EHBP1: variants seen among roughly 807,000 people sequenced by gnomAD.
EHBP1 encodes EH domain-binding protein 1.
EHBP1 carries 55 observed loss-of-function variants against 144.0 expected under a neutral mutation model. The observed-to-expected ratio is 0.38, with a 90% CI of 0.31 to 0.48. The LOEUF (loss-of-function observed/expected upper bound fraction) is 0.48, where lower values mean the gene tolerates loss of function less well. Among genes scored for constraint, EHBP1 ranks in the 20% least tolerant of loss-of-function variants. The pLI, the probability that EHBP1 is intolerant of heterozygous loss-of-function variation, is 0.98. For missense variants in EHBP1, 1,200 were observed against 1,364.2 expected (o/e 0.88, Z 1.90); for synonymous variants, 469 against 472.7 (o/e 0.99, Z 0.10).
chr2:62,750,731 T>G (rs1172277249), intron 3 of EHBP1, among the ~76,000 whole-genome samples: 6 of 152,158 alleles, frequency 3.9e-5, no homozygotes, highest in Non-Finnish European at 7.4e-5. Context: ...AGGTGTTTTA[T>G]TCTCTTTGAA....
intron 5 of EHBP1, among the ~76,000 whole-genome samples, chr2:62,814,552 G>C (rs1173456509): frequency 1.3e-5 from 2 of 152,198 alleles, no homozygotes; most frequent in Non-Finnish European, 2.9e-5. Context: ...CCCTGATTCA[G>C]TAGTACTCAG....
At chr2:62,853,307 C>T (rs762723210) in intron 7 of EHBP1, among the ~76,000 whole-genome samples, 55 of 152,172 alleles carry the variant, frequency 3.6e-4, no homozygotes, top group Admixed American at 5.9e-4. Context: ...CATTATGTCA[C>T]GGCATCTTCA....
At chr2:62,693,760 C>T (rs768560085) in intron 1 of EHBP1, among the ~76,000 whole-genome samples, 1 of 152,166 alleles carries the variant, frequency 6.6e-6, no homozygotes, top group Non-Finnish European at 1.5e-5. Flanking sequence ...TAACCAACCT[C>T]TCTTCTCCCC....
At chr2:62,743,767 T>C (rs774517834) in intron 2 of EHBP1, among the ~76,000 whole-genome samples, 21 of 152,254 alleles carry the variant, frequency 1.4e-4, no homozygotes, top group Non-Finnish European at 2.5e-4. Flanking sequence ...GAGGAGGGCA[T>C]GCCTTAGTTG....
rs1419667732 is a variant in EHBP1, at chr2:62,705,800, C to T, written c.-548C>T. On this transcript the variant is annotated 5_prime_UTR_variant, in exon 1 of 23. Coordinates refer to ENST00000431489, the MANE Select transcript of EHBP1 (RefSeq NM_001142616.3). Reference sequence around the variant, plus strand: ...GGGTGCTGGGCGCTGAGCGGTGGCTCTGGCAGGGCTTGGTAGGGTGGGGGA... The same window carrying T: ...GGGTGCTGGGCGCTGAGCGGTGGCTTTGGCAGGGCTTGGTAGGGTGGGGGA... The T allele has an allele frequency of 2.3e-5, 2 of 85,648 alleles. No individual in the cohort carries two copies. Among genetic ancestry groups the T allele is most frequent in the Non-Finnish European group, 4.4e-5 (2 of 45,280 alleles). 5.3% of individuals were successfully genotyped at this position (85,648 alleles called of 1,614,324 possible). A position where few individuals can be genotyped will look rare whatever the true frequency, so the allele number is the denominator to read the frequency against.
In EHBP1 at chr2:62,803,703, A is replaced by G. The variant is rs573603630; in HGVS notation, c.313-22384A>G. Among the ~76,000 whole-genome samples, 211 of 152,338 alleles carry G rather than the reference A, an allele frequency of 1.4e-3. 2 individuals carry two copies. Among genetic ancestry groups the G allele is most frequent in the African/African-American group, 4.8e-3 (199 of 41,578 alleles). Reference sequence around the variant, plus strand: ...ATGTGTTCTATACATTGCTTGTTATATATCTTGCAGATATTTTCACCCTGT... The same window carrying G: ...ATGTGTTCTATACATTGCTTGTTATGTATCTTGCAGATATTTTCACCCTGT... On this transcript the variant is annotated intron_variant, in intron 5 of 22. Coordinates refer to ENST00000431489, the MANE Select transcript of EHBP1 (RefSeq NM_001142616.3).
Position 62,768,756 on chromosome 2 carries a change from G to A in EHBP1, c.259-2583G>A, listed in dbSNP as rs186794483. ...ATATCCTTGATGAACATCGATGCAAGAATCCTCAGTAAAATACTGGCAAAC... is the reference window on the plus strand; with the variant it reads ...ATATCCTTGATGAACATCGATGCAAAAATCCTCAGTAAAATACTGGCAAAC... On this transcript the variant is annotated intron_variant, in intron 4 of 22. Transcript: ENST00000431489. 8.6e-4 allele frequency among the ~76,000 whole-genome samples: 131 copies of A among 152,194 alleles called. 2 individuals carry two copies. Among genetic ancestry groups the A allele is most frequent in the African/African-American group, 2.9e-3 (120 of 41,526 alleles).
At chr2:62,959,872 T>C (rs1174047941) in intron 14 of EHBP1, among the ~76,000 whole-genome samples, 1 of 152,182 alleles carries the variant, frequency 6.6e-6, no homozygotes, top group Non-Finnish European at 1.5e-5. Flanking sequence ...GTCCTTCTGA[T>C]GAATACCAAA....
intron 10 of EHBP1, among the ~76,000 whole-genome samples, chr2:62,928,236 T>C (rs1432338344): frequency 2.6e-5 from 4 of 152,304 alleles, no homozygotes; most frequent in Non-Finnish European, 5.9e-5. Flanking sequence ...GATAGTACTC[T>C]GTTTTCTTAC....
intron 1 of EHBP1, among the ~76,000 whole-genome samples, chr2:62,684,375 T>C (rs1174232708): frequency 2.6e-5 from 4 of 152,196 alleles, no homozygotes; most frequent in Non-Finnish European, 5.9e-5. Flanking sequence ...AGAACACTGC[T>C]TCTGCTCCAT....
intron 3 of EHBP1, among the ~76,000 whole-genome samples, chr2:62,749,583 CTAGTT>C (rs1261497586): frequency 6.6e-6 from 1 of 152,220 alleles, no homozygotes; most frequent in Non-Finnish European, 1.5e-5. Flanking sequence ...AATGGTTGAA[CTAGTT>C]TACAGTCCTA....
intron 7 of EHBP1, among the ~76,000 whole-genome samples, chr2:62,840,682 C>G (rs1276003503): frequency 6.6e-6 from 1 of 151,252 alleles, no homozygotes; most frequent in East Asian, 1.9e-4. Context: ...GGGCGAAGGA[C>G]ATGAACAGAC....
At chr2:62,919,981 A>G (rs2054937359) in intron 10 of EHBP1, among the ~76,000 whole-genome samples, 1 of 152,162 alleles carries the variant, frequency 6.6e-6, no homozygotes, top group Non-Finnish European at 1.5e-5. Flanking sequence ...AGCCTAAAGT[A>G]CCTGTGAGAC....
At chr2:62,753,932 G>A (rs904934093) in intron 3 of EHBP1, among the ~76,000 whole-genome samples, 4 of 152,150 alleles carry the variant, frequency 2.6e-5, no homozygotes, top group Admixed American at 1.3e-4. Context: ...TTTGCGATGG[G>A]TTCGAACTTC....
At chr2:62,888,495 A>AAACT (rs2052135409) in intron 10 of EHBP1, among the ~76,000 whole-genome samples, 1 of 152,262 alleles carries the variant, frequency 6.6e-6, no homozygotes, top group Admixed American at 6.5e-5. Flanking sequence ...ACTGAATTAA[A>AAACT]GTGCCTGTCA....
Position 62,864,843 on chromosome 2 carries a change from G to C in EHBP1, c.870G>C (p.Glu290Asp), listed in dbSNP as rs779896021. Reference protein sequence around the residue: ...QTPQYLNPFDEPEAFVTIKDS... With the variant: ...QTPQYLNPFDDPEAFVTIKDS... ...CACAGTATTTGAACCCATTCGATGA[G>C]CCAGAAGCATTTGTGACCATAAAGG... The change falls in exon 9 of 23, where the codon GAG (glutamate) becomes GAC (aspartate). Residue 290 changes from glutamate (E) to aspartate (D), a missense_variant. Physicochemically the swap from Glu to Asp is conservative, Grantham distance 45. Around this residue, in one of 6 missense-constraint regions of EHBP1, gnomAD observed 266 missense variants for 262.4 expected, o/e 1.01. Transcript: ENST00000431489. 1.2e-6 allele frequency: 2 copies of C among 1,613,898 alleles called. No individual in the cohort carries two copies. Among genetic ancestry groups the C allele is most frequent in the African/African-American group, 2.7e-5 (2 of 74,892 alleles).
intron 9 of EHBP1, among the ~76,000 whole-genome samples, chr2:62,865,566 T>C (rs1464768729): frequency 6.6e-6 from 1 of 152,178 alleles, no homozygotes; most frequent in Non-Finnish European, 1.5e-5. Context: ...GACCATGACA[T>C]TAAGTGTGTT....
intron 2 of EHBP1, among the ~76,000 whole-genome samples, chr2:62,736,534 T>G (rs2038157402): frequency 6.6e-6 from 1 of 152,172 alleles, no homozygotes; most frequent in Admixed American, 6.5e-5. Context: ...CCTCTTTGAT[T>G]TTTAATTTTG....
intron 19 of EHBP1, among the ~76,000 whole-genome samples, chr2:63,026,871 G>T (rs1450305646): frequency 6.6e-6 from 1 of 152,196 alleles, no homozygotes; most frequent in African/African-American, 2.4e-5. Context: ...GCATACACAT[G>T]GGAAGACTAA....
Sources: allele counts gnomAD v4.1 joint callset (sites outside exome capture counted in the v4.1 genomes callset), GRCh38; gene constraint gnomAD v4.1.1; regional missense constraint gnomAD v4.1.1; transcripts MANE v1.5; gene names NCBI Gene and HGNC (gene_info 2026-07-23, HGNC 2026-07-21).